Variants in EXOC6B observed in about 807,000 individuals in gnomAD.
The protein encoded by EXOC6B is SEC15 homolog B.
EXOC6B carries 54 observed loss-of-function variants against 113.5 expected under a neutral mutation model. That is an observed-to-expected ratio of 0.48 (90% confidence interval 0.38 to 0.60). The LOEUF is 0.60. EXOC6B is among the 20% of genes least tolerant of loss of function. The probability of loss-of-function intolerance (pLI) is 0.00; values close to 1 mark genes in which losing one functional copy is unlikely to be tolerated. For synonymous variants in EXOC6B, 357 were observed against 339.0 expected (o/e 1.05, Z -0.58); for missense variants, 797 against 977.5 (o/e 0.82, Z 2.46).
At chr2:72,583,880 C>T (rs1305136116) in intron 6 of EXOC6B, among the ~76,000 whole-genome samples, 2 of 152,102 alleles carry the variant, frequency 1.3e-5, no homozygotes, top group East Asian at 3.9e-4. Flanking sequence ...GCTACCATAC[C>T]CAGCTAATTT....
intron 6 of EXOC6B, among the ~76,000 whole-genome samples, chr2:72,581,864 T>A (rs1268028430): frequency 6.6e-6 from 1 of 152,098 alleles, no homozygotes; most frequent in Non-Finnish European, 1.5e-5. Context: ...ATCTTACCCA[T>A]CACTCCCCTA....
intron 6 of EXOC6B, among the ~76,000 whole-genome samples, chr2:72,683,266 G>C (rs763972339): frequency 3.3e-5 from 5 of 151,962 alleles, no homozygotes; most frequent in African/African-American, 4.8e-5. Flanking sequence ...TGCCCGCTCA[G>C]AGCTTTACAC....
chr2:72,820,918 A>G (rs898799203), intron 1 of EXOC6B, among the ~76,000 whole-genome samples: 2 of 152,098 alleles, frequency 1.3e-5, no homozygotes. Context: ...CTTCATGATC[A>G]TGCATTACGC....
intron 1 of EXOC6B, among the ~76,000 whole-genome samples, chr2:72,766,869 G>A (rs1335097609): frequency 1.3e-5 from 2 of 149,670 alleles, no homozygotes; most frequent in African/African-American, 4.9e-5. Flanking sequence ...CACAAAAATC[G>A]CTTGAAACCG....
Position 72,553,916 on chromosome 2 carries a change from T to C in EXOC6B, c.915+5537A>G, listed in dbSNP as rs147297211. Among the ~76,000 whole-genome samples the C allele has an allele frequency of 4.3e-4, 65 of 152,188 alleles. 1 individual carries two copies. The East Asian group carries it at 9.5e-3, about 22-fold the overall frequency. On this transcript the variant is annotated intron_variant, in intron 8 of 21. Coordinates refer to ENST00000272427, the MANE Select transcript of EXOC6B (RefSeq NM_015189.3). ...TGGAGCAACATGAATTCTGCTAAAATTGAAGCAAGCACAAATATCAAATTT... is the reference window on the plus strand; with the variant it reads ...TGGAGCAACATGAATTCTGCTAAAACTGAAGCAAGCACAAATATCAAATTT...
chr2:72,732,307 C>A (rs1200623681), intron 3 of EXOC6B, among the ~76,000 whole-genome samples: 1 of 151,568 alleles, frequency 6.6e-6, no homozygotes, highest in East Asian at 1.9e-4. Flanking sequence ...CACCTCCACG[C>A]CTGGTTATGG....
In EXOC6B at chr2:72,179,276, G is replaced by A; in HGVS notation, c.*59C>T. 1 of 1,497,278 alleles carries A rather than the reference G, an allele frequency of 6.7e-7. No homozygotes were observed. The highest frequency in any genetic ancestry group is 8.9e-7 in the Non-Finnish European group (1 of 1,122,376). The allele number at this position is 1,497,278 out of a possible 1,614,324, so 92.7% of individuals were successfully genotyped here. A position where few individuals can be genotyped will look rare whatever the true frequency, so the allele number is the denominator to read the frequency against. ...CACAAATGCAGGGTCAGCTGGGGCTGGACCCCAGACTGACACAGAGGCTGC... is the reference window on the plus strand; with the variant it reads ...CACAAATGCAGGGTCAGCTGGGGCTAGACCCCAGACTGACACAGAGGCTGC... On this transcript the variant is annotated 3_prime_UTR_variant, in exon 22 of 22. Coordinates refer to ENST00000272427, the MANE Select transcript of EXOC6B (RefSeq NM_015189.3).
intron 18 of EXOC6B, among the ~76,000 whole-genome samples, chr2:72,423,764 C>T (rs894372438): frequency 2.6e-5 from 4 of 152,078 alleles, no homozygotes; most frequent in African/African-American, 9.7e-5. Flanking sequence ...CACATACATA[C>T]ACACATGCAC....
intron 20 of EXOC6B, among the ~76,000 whole-genome samples, chr2:72,233,731 T>C (rs1191676879): frequency 6.6e-6 from 1 of 152,154 alleles, no homozygotes; most frequent in East Asian, 1.9e-4. Flanking sequence ...CCTCACTAAA[T>C]GCGGCTTCAC....
intron 17 of EXOC6B, 59 bp from the exon 18 acceptor site, chr2:72,465,398 T>C (rs1364463860): frequency 7.2e-7 from 1 of 1,380,432 alleles, no homozygotes; most frequent in African/African-American, 1.4e-5. Flanking sequence ...CAGAAATTTC[T>C]ATGAGCTTAG....
intron 9 of EXOC6B, 114 bp from the exon 10 acceptor site, chr2:72,514,794 G>A: frequency 1.5e-6 from 1 of 660,414 alleles, no homozygotes; most frequent in South Asian, 2.3e-5. Flanking sequence ...TATCTGATAA[G>A]GTAAAAATAA....
intron 6 of EXOC6B, among the ~76,000 whole-genome samples, chr2:72,627,761 G>T (rs375446750): frequency 1.3e-5 from 2 of 152,046 alleles, no homozygotes; most frequent in East Asian, 1.9e-4. Flanking sequence ...AAATTAACTC[G>T]CAAGAAATTC....
chr2:72,360,770 T>C (rs945874775), intron 19 of EXOC6B, among the ~76,000 whole-genome samples: 1 of 152,052 alleles, frequency 6.6e-6, no homozygotes, highest in African/African-American at 2.4e-5. Context: ...CAAGTTTCTG[T>C]TGCCTTCATA....
At chr2:72,636,892 TATG>T (rs1490738364) in intron 6 of EXOC6B, among the ~76,000 whole-genome samples, 2 of 151,756 alleles carry the variant, frequency 1.3e-5, no homozygotes, top group African/African-American at 4.8e-5. Flanking sequence ...TTACAAATGA[TATG>T]ATAACCTATG....
At chr2:72,716,685 A>C (rs1573677792) in intron 6 of EXOC6B, among the ~76,000 whole-genome samples, 1 of 152,124 alleles carries the variant, frequency 6.6e-6, no homozygotes, top group Admixed American at 6.6e-5. Context: ...GACCTTTACA[A>C]GGTATTTGAA....
At chr2:72,253,148 C>T (rs72835278) in intron 20 of EXOC6B, among the ~76,000 whole-genome samples, 3 of 152,124 alleles carry the variant, frequency 2.0e-5, no homozygotes, top group Non-Finnish European at 2.9e-5. Flanking sequence ...CCATGAGATA[C>T]CATCTCATAC....
chr2:72,647,048 A>C (rs547123136), intron 6 of EXOC6B, among the ~76,000 whole-genome samples: 1 of 151,736 alleles, frequency 6.6e-6, no homozygotes, highest in African/African-American at 2.4e-5. Flanking sequence ...ATATTTAGAA[A>C]ACCCCATCTC....
At chr2:72,496,336 T>A (rs760023224) in intron 14 of EXOC6B, 118 bp downstream of exon 14, 17 of 585,048 alleles carry the variant, frequency 2.9e-5, no homozygotes, top group Non-Finnish European at 4.6e-5. Context: ...CCTTTGAAAT[T>A]GTTTTAGAGT....
chr2:72,608,927 G>T (rs1670901978), intron 6 of EXOC6B, among the ~76,000 whole-genome samples: 1 of 152,074 alleles, frequency 6.6e-6, no homozygotes, highest in Non-Finnish European at 1.5e-5. Flanking sequence ...ATCTACCATG[G>T]ATGAGGAACA....
Sources: gnomAD v4.1 joint callset for allele counts (sites outside exome capture counted in the v4.1 genomes callset) on GRCh38, gnomAD v4.1.1 for gene constraint, MANE v1.5 for transcripts, NCBI Gene and HGNC (gene_info 2026-07-23, HGNC 2026-07-21) for gene names.